The following ZFP82 variants were observed in gnomAD, a reference collection of about 807,000 sequenced individuals.
ZFP82 encodes zinc finger protein 82 homolog.
Under a neutral mutation model 54.0 loss-of-function variants are expected in ZFP82, and 30 were observed. The observed-to-expected ratio is 0.56, with a 90% confidence interval of 0.42 to 0.75. The LOEUF (loss-of-function observed/expected upper bound fraction) is 0.75, where lower values mean the gene tolerates loss of function less well. Among genes scored for constraint, ZFP82 ranks in the 30% least tolerant of loss-of-function variants. The probability of loss-of-function intolerance (pLI) is 0.00; values close to 1 mark genes in which losing one functional copy is unlikely to be tolerated. For missense variants in ZFP82, 500 were observed against 636.8 expected (o/e 0.79, Z 2.31); for synonymous variants, 194 against 209.5 (o/e 0.93, Z 0.64).
intron 4 of ZFP82, among the ~76,000 whole-genome samples, chr19:36,402,670 A>G (rs1440600985): frequency 6.6e-6 from 1 of 152,078 alleles, no homozygotes; most frequent in African/African-American, 2.4e-5. Flanking sequence ...ATACAAAATT[A>G]CAACATATGT....
At chr19:36,410,503 CTTGT>C (rs746442936) in intron 1 of ZFP82, among the ~76,000 whole-genome samples, 16 of 150,800 alleles carry the variant, frequency 1.1e-4, no homozygotes, top group East Asian at 7.8e-4. Context: ...GTTGTTTGTT[CTTGT>C]TTTTGTTTTT....
downstream of ZFP82, among the ~76,000 whole-genome samples, chr19:36,384,949 A>G (rs73928610): frequency 5.9e-3 from 905 of 152,310 alleles, 10 homozygotes; most frequent in African/African-American, 0.021. Flanking sequence ...ATAGAGTGAC[A>G]TTACAGAGAT....
chr19:36,405,548 T>C, intron 4 of ZFP82, 32 bp downstream of exon 4: 3 of 1,542,890 alleles, frequency 1.9e-6, no homozygotes, highest in Non-Finnish European at 1.8e-6. Flanking sequence ...TTCCCTGTGT[T>C]GATGGCTTCT....
In ZFP82 at chr19:36,405,659, A is replaced by G. The variant is rs2032469202; in HGVS notation, c.150T>C (p.Ser50=). The part of the protein sequence containing the change: ...SNLVSLGCFI[S]KPDVISSLEQ... ...CCAATGAGGAAATCACATCTGGTTTAGAAATGAAGCATCCTGCTTAGAAGA... is the reference window on the plus strand; with the variant it reads ...CCAATGAGGAAATCACATCTGGTTTGGAAATGAAGCATCCTGCTTAGAAGA... The change falls in exon 4 of 5, where the codon TCT becomes TCC. Residue 50 remains serine, a synonymous_variant. Transcript: ENST00000392161. 1 of 1,604,390 alleles carries G rather than the reference A, an allele frequency of 6.2e-7. No individual in the cohort carries two copies. The highest frequency in any genetic ancestry group is 8.5e-7 in the Non-Finnish European group (1 of 1,173,270).
chr19:36,405,334 A>T (rs1284070409), intron 4 of ZFP82, among the ~76,000 whole-genome samples: 1 of 152,190 alleles, frequency 6.6e-6, no homozygotes, highest in Non-Finnish European at 1.5e-5. Flanking sequence ...AATAAAAAAG[A>T]AGAGTGGTAA....
downstream of ZFP82, among the ~76,000 whole-genome samples, chr19:36,387,279 T>C (rs1387540442): frequency 1.3e-5 from 2 of 152,164 alleles, no homozygotes; most frequent in Non-Finnish European, 2.9e-5. Flanking sequence ...AGCCACGCTA[T>C]AGTTTGAATG....
At chr19:36,409,751 T>C (rs186248741) in intron 2 of ZFP82, 30 bp downstream of exon 2, 60 of 1,612,302 alleles carry the variant, frequency 3.7e-5, no homozygotes, top group Admixed American at 2.0e-4. Flanking sequence ...CTTAACATGA[T>C]AGTATTCCTA....
intron 4 of ZFP82, among the ~76,000 whole-genome samples, chr19:36,399,925 T>C (rs1324083098): frequency 6.6e-6 from 1 of 152,224 alleles, no homozygotes; most frequent in Non-Finnish European, 1.5e-5. Context: ...CTTCATATTA[T>C]GTGTGTGATT....
chr19:36,396,887 A>G (rs192516396), intron 4 of ZFP82, among the ~76,000 whole-genome samples: 124 of 151,950 alleles, frequency 8.2e-4, no homozygotes, highest in African/African-American at 2.9e-3. Flanking sequence ...AAACCTGCAT[A>G]TAAGTATCTA....
intron 1 of ZFP82, among the ~76,000 whole-genome samples, chr19:36,416,666 G>A (rs1208955560): frequency 1.3e-5 from 2 of 148,986 alleles, no homozygotes; most frequent in South Asian, 2.1e-4. Flanking sequence ...TGAGGCAGGA[G>A]AATCGCTTGA....
intron 4 of ZFP82, among the ~76,000 whole-genome samples, chr19:36,401,057 CTTCTTT>C (rs894919530): frequency 3.8e-5 from 3 of 79,968 alleles, no homozygotes; most frequent in Admixed American, 1.4e-4. Flanking sequence ...ATGGCTGCCC[CTTCTTT>C]TTTTTTTTTT....
rs781482349 is a variant in ZFP82, at chr19:36,392,721, C to T, written c.*20G>A. The T allele has an allele frequency of 2.6e-6, 4 of 1,532,266 alleles. No individual in the cohort carries two copies. In the Admixed American group the frequency reaches 8.6e-5, roughly 33 times the overall value. 94.9% of individuals were successfully genotyped at this position (1,532,266 alleles called of 1,614,324 possible). On this transcript the variant is annotated 3_prime_UTR_variant, in exon 5 of 5. Coordinates refer to ENST00000392161, the MANE Select transcript of ZFP82 (RefSeq NM_133466.4). The stretch of plus-strand genomic sequence containing the variant: ...TACATTCATAGAATGTTCTATAACA[C>T]AGAAGTTGAAAAGACTTTCTTAGAT...
intron 4 of ZFP82, among the ~76,000 whole-genome samples, chr19:36,397,249 CGCCCAGCTAAT>C (rs1306625155): frequency 1.3e-5 from 2 of 151,912 alleles, no homozygotes; most frequent in Non-Finnish European, 2.9e-5. Context: ...CACACCACCA[CGCCCAGCTAAT>C]TTTTTGTATT....
intron 1 of ZFP82, 81 bp from the exon 2 acceptor site, chr19:36,409,948 CT>C: frequency 1.4e-6 from 1 of 695,022 alleles, no homozygotes; most frequent in South Asian, 1.7e-5. Context: ...GACCTTTCCC[CT>C]CTCTTCTGAT....
At chr19:36,407,266 C>T (rs1007322483) in intron 3 of ZFP82, among the ~76,000 whole-genome samples, 8 of 151,076 alleles carry the variant, frequency 5.3e-5, no homozygotes, top group Non-Finnish European at 1.2e-4. Context: ...TTAGTAGAGA[C>T]GGGGTTTCAC....
chr19:36,404,576 T>C (rs527239559), intron 4 of ZFP82, among the ~76,000 whole-genome samples: 2 of 152,330 alleles, frequency 1.3e-5, no homozygotes, highest in East Asian at 1.9e-4. Context: ...CTAGTTATAA[T>C]GCATTTAAAT....
At chr19:36,402,680 T>C (rs532952059) in intron 4 of ZFP82, among the ~76,000 whole-genome samples, 55 of 151,922 alleles carry the variant, frequency 3.6e-4, no homozygotes, top group African/African-American at 1.2e-3. Flanking sequence ...ACAACATATG[T>C]CTCTGAATAA....
downstream of ZFP82, among the ~76,000 whole-genome samples, chr19:36,385,485 C>T (rs1247448929): frequency 6.6e-6 from 1 of 152,138 alleles, no homozygotes; most frequent in Admixed American, 6.5e-5. Context: ...GGCTTTGGAA[C>T]TAGGTAATGG....
intron 1 of ZFP82, among the ~76,000 whole-genome samples, chr19:36,416,756 CAAAAAA>C (rs1165706150): frequency 1.5e-5 from 1 of 68,876 alleles, no homozygotes; most frequent in Non-Finnish European, 2.7e-5. Context: ...AACTCCGTCT[CAAAAAA>C]AAAAAAAAAA....
Sources: gnomAD v4.1 joint callset for allele counts (sites outside exome capture counted in the v4.1 genomes callset) on GRCh38, gnomAD v4.1.1 for gene constraint, MANE v1.5 for transcripts, NCBI Gene and HGNC (gene_info 2026-07-23, HGNC 2026-07-21) for gene names.